Variants in GAB2 observed in about 807,000 individuals in gnomAD.
The protein encoded by GAB2 is GRB2-associated-binding protein 2.
GAB2 carries 26 observed loss-of-function variants against 65.5 expected under a neutral mutation model. The ratio of observed to expected loss-of-function variants is 0.40; its 90% CI spans 0.29 to 0.55. The LOEUF (loss-of-function observed/expected upper bound fraction) is 0.55, where lower values mean the gene tolerates loss of function less well. Ranked by LOEUF, GAB2 falls within the 20% of genes least tolerant of loss-of-function variation. The pLI, the probability that GAB2 is intolerant of heterozygous loss-of-function variation, is 0.53. For synonymous variants in GAB2, 321 were observed against 329.6 expected (o/e 0.97, Z 0.28); for missense variants, 884 against 875.8 (o/e 1.01, Z -0.12).
intron 1 of GAB2, among the ~76,000 whole-genome samples, chr11:78,410,365 A>AT (rs1476184177): frequency 6.6e-6 from 1 of 152,134 alleles, no homozygotes; most frequent in East Asian, 1.9e-4. Context: ...TCAGCTGGGC[A>AT]TTGTGGCACA....
intron 1 of GAB2, among the ~76,000 whole-genome samples, chr11:78,320,045 T>C (rs1855692967): frequency 6.6e-6 from 1 of 152,088 alleles, no homozygotes; most frequent in African/African-American, 2.4e-5. Flanking sequence ...TGGCTAACTT[T>C]TGCATTTTTG....
chr11:78,332,092 G>C (rs991137546), intron 1 of GAB2, among the ~76,000 whole-genome samples: 1 of 152,152 alleles, frequency 6.6e-6, no homozygotes, highest in Non-Finnish European at 1.5e-5. Flanking sequence ...CCTGTGGCGG[G>C]GAACAGAACA....
intron 1 of GAB2, among the ~76,000 whole-genome samples, chr11:78,376,138 T>C (rs940412595): frequency 6.6e-6 from 1 of 152,222 alleles, no homozygotes; most frequent in African/African-American, 2.4e-5. Flanking sequence ...GTTTCTTCCT[T>C]AGAACTTCCT....
At position 78,215,632 on chromosome 11, in the gene GAB2, A is replaced by C. The variant is rs949523843; in HGVS notation, c.*3640T>G. The C allele has an allele frequency of 6.6e-6, 1 of 152,326 alleles. No individual in the cohort carries two copies. The highest frequency in any genetic ancestry group is 1.5e-5 in the Non-Finnish European group (1 of 68,044). 9.4% of individuals were successfully genotyped at this position (152,326 alleles called of 1,614,324 possible). On this transcript the variant is annotated 3_prime_UTR_variant, in exon 10 of 10. Transcript: ENST00000361507. ...TCTGCGTGAAATAATTCTAGATTTC[A>C]AGACACAAGTAGCCAACAAATACAC...
At chr11:78,244,663 TAAAAAA>T (rs36056237) in intron 3 of GAB2, among the ~76,000 whole-genome samples, 1 of 74,766 alleles carries the variant, frequency 1.3e-5, no homozygotes, top group Non-Finnish European at 2.3e-5. Context: ...ACATTCATAG[TAAAAAA>T]AAAAAAAAAA....
intron 1 of GAB2, among the ~76,000 whole-genome samples, chr11:78,407,415 G>C (rs1857058987): frequency 6.6e-6 from 1 of 152,056 alleles, no homozygotes. Flanking sequence ...TGGATCACCT[G>C]AGGTCAGGAG....
intron 1 of GAB2, among the ~76,000 whole-genome samples, chr11:78,291,548 C>CT (rs1480308815): frequency 7.5e-5 from 5 of 66,276 alleles, no homozygotes; most frequent in African/African-American, 1.9e-4. Context: ...GAGAGACTTA[C>CT]TTTTTTCTTT....
intron 4 of GAB2, among the ~76,000 whole-genome samples, chr11:78,226,047 C>A (rs901506695): frequency 7.9e-5 from 12 of 152,178 alleles, no homozygotes; most frequent in African/African-American, 2.9e-4. Flanking sequence ...AATATTAAGA[C>A]CTCGTTTTGC....
At chr11:78,236,528 A>C (rs1361759493) in intron 3 of GAB2, among the ~76,000 whole-genome samples, 1 of 152,212 alleles carries the variant, frequency 6.6e-6, no homozygotes, top group Non-Finnish European at 1.5e-5. Flanking sequence ...AAGAACAGGT[A>C]CTTTCTCCTT....
chr11:78,332,019 C>CCT (rs373661241), intron 1 of GAB2, among the ~76,000 whole-genome samples: 1 of 152,296 alleles, frequency 6.6e-6, no homozygotes, highest in African/African-American at 2.4e-5. Context: ...GCTTGCCCCT[C>CCT]CTCCCTTTGC....
At chr11:78,375,836 A>G (rs1001462541) in intron 1 of GAB2, among the ~76,000 whole-genome samples, 1 of 152,150 alleles carries the variant, frequency 6.6e-6, no homozygotes, top group East Asian at 1.9e-4. Flanking sequence ...AGGAAACTAT[A>G]TTCCATTTCA....
chr11:78,417,226 C>T (rs958932853), intron 1 of GAB2, among the ~76,000 whole-genome samples: 1 of 152,068 alleles, frequency 6.6e-6, no homozygotes, highest in African/African-American at 2.4e-5. Flanking sequence ...GCCGTCCGCG[C>T]GGCCCCACAG....
At chr11:78,248,784 G>A (rs1865365535) in intron 3 of GAB2, among the ~76,000 whole-genome samples, 1 of 152,180 alleles carries the variant, frequency 6.6e-6, no homozygotes, top group Non-Finnish European at 1.5e-5. Context: ...AAAAGAACCT[G>A]AATTTGAACC....
chr11:78,402,571 C>G (rs1469164379), intron 1 of GAB2, among the ~76,000 whole-genome samples: 6 of 147,860 alleles, frequency 4.1e-5, no homozygotes, highest in Non-Finnish European at 7.5e-5. Flanking sequence ...ACCCCCACCC[C>G]CAATCGCCCC....
At chr11:78,241,932 T>G (rs34300064) in intron 3 of GAB2, among the ~76,000 whole-genome samples, 4,946 of 152,276 alleles carry the variant, frequency 0.032, 137 homozygotes, top group Non-Finnish European at 0.053. Context: ...AACAATTAGA[T>G]TTAAACTGCG....
At chr11:78,270,251 C>T (rs764234293) in intron 2 of GAB2, among the ~76,000 whole-genome samples, 7 of 151,804 alleles carry the variant, frequency 4.6e-5, no homozygotes, top group African/African-American at 1.7e-4. Flanking sequence ...CGCCTGAACC[C>T]GGGAGGTGGA....
intron 1 of GAB2, 67 bp downstream of exon 1, chr11:78,417,579 T>G (rs1857215835): frequency 5.0e-6 from 4 of 807,264 alleles, no homozygotes; most frequent in Non-Finnish European, 6.3e-6. Flanking sequence ...CCTCCGGGAG[T>G]CCCCCGCCCC....
chr11:78,222,367 C>T (rs114015581), intron 6 of GAB2, among the ~76,000 whole-genome samples, 172 bp from the exon 7 acceptor site: 186 of 152,154 alleles, frequency 1.2e-3, no homozygotes, highest in African/African-American at 4.4e-3. Flanking sequence ...ATTGATGAGC[C>T]TTGAAGTCAT....
intron 2 of GAB2, among the ~76,000 whole-genome samples, chr11:78,263,840 A>T (rs913945526): frequency 1.3e-5 from 2 of 151,356 alleles, no homozygotes. Flanking sequence ...AGATCAAGTG[A>T]TTTTCTTACC....
Sources: gnomAD v4.1 joint callset for allele counts (sites outside exome capture counted in the v4.1 genomes callset) on GRCh38, gnomAD v4.1.1 for gene constraint, MANE v1.5 for transcripts, NCBI Gene and HGNC (gene_info 2026-07-23, HGNC 2026-07-21) for gene names.